Variants in HDAC2 observed in about 807,000 individuals in gnomAD.
HDAC2 encodes the protein YY1-associated factor 1.
HDAC2 carries 5 observed loss-of-function variants against 68.5 expected under a neutral mutation model. The ratio of observed to expected loss-of-function variants is 0.07; its 90% CI spans 0.04 to 0.15. The LOEUF is 0.15. Ranked by LOEUF, HDAC2 falls within the 10% of genes least tolerant of loss-of-function variation. The pLI is 1.00. For missense variants in HDAC2, 291 were observed against 600.8 expected (o/e 0.48, Z 5.39); for synonymous variants, 182 against 191.3 (o/e 0.95, Z 0.40).
At chr6:113,949,838 A>C (rs191950876) in intron 6 of HDAC2, among the ~76,000 whole-genome samples, 195 of 152,076 alleles carry the variant, frequency 1.3e-3, no homozygotes, top group African/African-American at 4.5e-3. Flanking sequence ...TGGAGGCGCA[A>C]TGGCGTGATC....
At chr6:113,960,229 C>T (rs1172319519) in intron 1 of HDAC2, among the ~76,000 whole-genome samples, 2 of 152,036 alleles carry the variant, frequency 1.3e-5, no homozygotes, top group East Asian at 3.9e-4. Flanking sequence ...TCCATTATTA[C>T]ACATTATATT....
chr6:113,960,522 G>C (rs1776658636), intron 1 of HDAC2, among the ~76,000 whole-genome samples: 1 of 151,978 alleles, frequency 6.6e-6, no homozygotes, highest in Non-Finnish European at 1.5e-5. Context: ...CTGAAATTTA[G>C]GTCCTAAATG....
intron 10 of HDAC2, 40 bp from the exon 11 acceptor site, chr6:113,944,450 T>G (rs768384552): frequency 6.4e-7 from 1 of 1,553,490 alleles, no homozygotes; most frequent in East Asian, 2.2e-5. Context: ...AAAATTAAAT[T>G]TCTTTGCAGT....
At chr6:113,956,474 G>A in intron 4 of HDAC2, 145 bp downstream of exon 4, 1 of 634,146 alleles carries the variant, frequency 1.6e-6, no homozygotes, top group South Asian at 2.2e-5. Context: ...AGGTTTGAAA[G>A]TAAATTGTAC....
In HDAC2 at chr6:113,957,768, G is replaced by A. The variant is rs944250004; in HGVS notation, c.283+881C>T. The stretch of plus-strand genomic sequence containing the variant: ...CTCCCAAAGTGCTGGGATTACAGGC[G>A]TGAGCCACCACACCTGGCCAGGATC... On this transcript the variant is annotated intron_variant, in intron 3 of 13. Transcript: ENST00000519065. 3.3e-5 allele frequency among the ~76,000 whole-genome samples: 5 copies of A among 152,160 alleles called. No homozygotes were observed. In the East Asian group the frequency reaches 9.7e-4, roughly 29 times the overall value.
intron 1 of HDAC2, chr6:113,970,290 AAGG>A (rs967635116): frequency 1.8e-5 from 4 of 218,650 alleles, no homozygotes; most frequent in East Asian, 1.9e-4. Context: ...TAAGCCGAGG[AAGG>A]AGAAGACGCT....
rs1476301044 is a variant in HDAC2, at chr6:113,956,528, A to C, written c.358+91T>G. ...ATTTCCTTTTGTTATCAAAATTCACAATCATTAAAACTTCTGTTTTACACA... is the reference window on the plus strand; with the variant it reads ...ATTTCCTTTTGTTATCAAAATTCACCATCATTAAAACTTCTGTTTTACACA... On this transcript the variant is annotated intron_variant, in intron 4 of 13. Coordinates refer to ENST00000519065, the MANE Select transcript of HDAC2 (RefSeq NM_001527.4). 2.9e-5 allele frequency: 25 copies of C among 853,138 alleles called. No homozygotes were observed. In the South Asian group the frequency reaches 3.4e-4, roughly 11 times the overall value. 52.8% of individuals were successfully genotyped at this position (853,138 alleles called of 1,614,324 possible). A position where few individuals can be genotyped will look rare whatever the true frequency, so the allele number is the denominator to read the frequency against.
In HDAC2 at chr6:113,933,921, T is replaced by C. The variant is rs1775944815; in HGVS notation, c.*7137A>G. ...TTAACTTTACATGTTCAAATTAGTATAGTTCCTGTCTCCTGACTGAACGCT... is the reference window on the plus strand; with the variant it reads ...TTAACTTTACATGTTCAAATTAGTACAGTTCCTGTCTCCTGACTGAACGCT... On this transcript the variant is annotated 3_prime_UTR_variant, in exon 14 of 14. Transcript: ENST00000519065. The C allele has an allele frequency of 6.6e-6, 1 of 152,132 alleles. No homozygotes were observed. The highest frequency in any genetic ancestry group is 1.5e-5 in the Non-Finnish European group (1 of 68,016). 9.4% of individuals were successfully genotyped at this position (152,132 alleles called of 1,614,324 possible). A position where few individuals can be genotyped will look rare whatever the true frequency, so the allele number is the denominator to read the frequency against.
At chr6:113,969,878 G>A (rs911170015) in intron 1 of HDAC2, 1 of 152,178 alleles carries the variant, frequency 6.6e-6, no homozygotes, top group Non-Finnish European at 1.5e-5. Flanking sequence ...CCTAGGAACA[G>A]CCTTTGCAAG....
chr6:113,958,784 T>C lies in HDAC2; in HGVS notation c.166-18A>G. On this transcript the variant is annotated intron_variant, in intron 2 of 13. Transcript: ENST00000519065. ...TGGGGCCTCTGTGAAGAGAAATAAATGTCAGAACTGTGGAATTACAACCGG... is the reference window on the plus strand; with the variant it reads ...TGGGGCCTCTGTGAAGAGAAATAAACGTCAGAACTGTGGAATTACAACCGG... 3 of 1,352,856 alleles carry C rather than the reference T, an allele frequency of 2.2e-6. No homozygotes were observed. The highest frequency in any genetic ancestry group is 2.4e-5 in the South Asian group (2 of 84,916). The allele number at this position is 1,352,856 out of a possible 1,614,324, so 83.8% of individuals were successfully genotyped here.
chr6:113,958,806 C>A, intron 2 of HDAC2, 40 bp from the exon 3 acceptor site: 1 of 1,113,748 alleles, frequency 9.0e-7, no homozygotes, highest in Non-Finnish European at 1.4e-6. Context: ...GGAATTACAA[C>A]CGGTTATATC....
intron 1 of HDAC2, 64 bp downstream of exon 1, chr6:113,970,793 C>G: frequency 6.9e-7 from 1 of 1,449,198 alleles, no homozygotes; most frequent in South Asian, 1.4e-5. Context: ...CCACTCGCGA[C>G]GGCAGCCGCG....
intron 5 of HDAC2, among the ~76,000 whole-genome samples, chr6:113,954,208 G>T (rs1177166050): frequency 6.6e-6 from 1 of 152,182 alleles, no homozygotes; most frequent in Non-Finnish European, 1.5e-5. Flanking sequence ...TCATCCTTTT[G>T]AAGTATAGTG....
rs1343702414 is a variant in HDAC2, at chr6:113,946,057, T to C, written c.933A>G (p.Arg311=). 2 of 1,613,360 alleles carry C rather than the reference T, an allele frequency of 1.2e-6. No homozygotes were observed. The highest frequency in any genetic ancestry group is 1.7e-6 in the Non-Finnish European group (2 of 1,179,294). The change falls in exon 9 of 14, where the codon CGA becomes CGG. Residue 311 remains arginine, a synonymous_variant. Coordinates refer to ENST00000519065, the MANE Select transcript of HDAC2 (RefSeq NM_001527.4). ...GGGYTIRNVA[R]CWTYETAVAL... ...CAACTGCAGTCTCATATGTCCAACATCGAGCAACATTACGGATTGTGTAGC... is the reference window on the plus strand; with the variant it reads ...CAACTGCAGTCTCATATGTCCAACACCGAGCAACATTACGGATTGTGTAGC...
Position 113,940,869 on chromosome 6 carries a change from T to C in HDAC2, c.*189A>G, listed in dbSNP as rs924386016. The C allele has an allele frequency of 2.1e-6, 1 of 474,026 alleles. No individual in the cohort carries two copies. Among genetic ancestry groups the C allele is most frequent in the African/African-American group, 2.0e-5 (1 of 50,700 alleles). The allele number at this position is 474,026 out of a possible 1,614,324, so 29.4% of individuals were successfully genotyped here. A position where few individuals can be genotyped will look rare whatever the true frequency, so the allele number is the denominator to read the frequency against. Reference sequence around the variant, plus strand: ...ATAAAGCATGGTGGAGAAAAGAAATTTTGCTTCATAATTAGAAAAACTCAC... The same window carrying C: ...ATAAAGCATGGTGGAGAAAAGAAATCTTGCTTCATAATTAGAAAAACTCAC... On this transcript the variant is annotated 3_prime_UTR_variant, in exon 14 of 14. Transcript: ENST00000519065.
Position 113,958,680 on chromosome 6 carries a change from G to T in HDAC2, c.252C>A (p.Asn84Lys). Reference protein sequence around the residue: ...IKFLRSIRPDNMSEYSKQMQR... With the variant: ...IKFLRSIRPDKMSEYSKQMQR... ...GCATCTGCTTACTATACTCAGACATGTTATCTGGTCTTATTGACCGTAGAA... is the reference window on the plus strand; with the variant it reads ...GCATCTGCTTACTATACTCAGACATTTTATCTGGTCTTATTGACCGTAGAA... The change falls in exon 3 of 14, where the codon AAC becomes AAA. Residue 84 changes from asparagine (N) to lysine (K), a missense_variant. Physicochemically the swap from Asn to Lys is moderately conservative, Grantham distance 94 (BLOSUM62 0). Coordinates refer to ENST00000519065, the MANE Select transcript of HDAC2 (RefSeq NM_001527.4). 1 of 1,591,478 alleles carries T rather than the reference G, an allele frequency of 6.3e-7. No homozygotes were observed. The highest frequency in any genetic ancestry group is 8.6e-7 in the Non-Finnish European group (1 of 1,161,732).
At position 113,949,099 on chromosome 6, in the gene HDAC2, A is replaced by G; in HGVS notation, c.733-12T>C. On this transcript the variant is annotated splice_polypyrimidine_tract_variant and intron_variant, in intron 7 of 13. Transcript: ENST00000519065. ...ACCTTTGAGATAATCTACACACAAG[A>G]TAACAAATGTTAGCATCTCCAATAA... The G allele has an allele frequency of 9.3e-6, 15 of 1,612,476 alleles. No homozygotes were observed. The highest frequency in any genetic ancestry group is 1.1e-5 in the Non-Finnish European group (13 of 1,178,600).
intron 6 of HDAC2, 69 bp from the exon 7 acceptor site, chr6:113,949,329 A>G (rs1048709072): frequency 1.0e-6 from 1 of 963,152 alleles, no homozygotes; most frequent in Non-Finnish European, 1.6e-6. Flanking sequence ...TGTTTACTAC[A>G]TTTTGAAAAG....
At position 113,940,762 on chromosome 6, in the gene HDAC2, A is replaced by G. The variant is rs1776111360; in HGVS notation, c.*296T>C. ...AAAGATAATTACAAAAGATGGAAAA[A>G]TCAGCTCAGAAAGGCCAATTACTTC... On this transcript the variant is annotated 3_prime_UTR_variant, in exon 14 of 14. Coordinates refer to ENST00000519065, the MANE Select transcript of HDAC2 (RefSeq NM_001527.4). 1 of 277,268 alleles carries G rather than the reference A, an allele frequency of 3.6e-6. No individual in the cohort carries two copies. Among genetic ancestry groups the G allele is most frequent in the African/African-American group, 2.2e-5 (1 of 45,316 alleles). The allele number at this position is 277,268 out of a possible 1,614,324, so 17.2% of individuals were successfully genotyped here.
Sources: allele counts gnomAD v4.1 joint callset (sites outside exome capture counted in the v4.1 genomes callset), GRCh38; gene constraint gnomAD v4.1.1; transcripts MANE v1.5; gene names NCBI Gene and HGNC (gene_info 2026-07-23, HGNC 2026-07-21).